The following CREB5 variants were observed in gnomAD, a reference collection of about 807,000 sequenced individuals.
CREB5 encodes cAMP responsive element binding protein 5, also known as cyclic AMP-responsive element-binding protein 5.
Under a neutral mutation model 57.1 loss-of-function variants are expected in CREB5, and 19 were observed. The ratio of observed to expected loss-of-function variants is 0.33; its 90% CI spans 0.23 to 0.49. The LOEUF (loss-of-function observed/expected upper bound fraction) is 0.49, where lower values mean the gene tolerates loss of function less well. CREB5 is among the 20% of genes least tolerant of loss of function. The pLI, the probability that CREB5 is intolerant of heterozygous loss-of-function variation, is 0.99. For missense variants in CREB5, 579 were observed against 671.6 expected, an observed-to-expected ratio of 0.86 and a Z score of 1.52; for synonymous variants, 238 against 238.3, an observed-to-expected ratio of 1.00 and a Z score of 0.01.
chr7:28,657,617 G>T (rs11772649), intron 5 of CREB5, among the ~76,000 whole-genome samples: 3 of 151,036 alleles, frequency 2.0e-5, no homozygotes, highest in Non-Finnish European at 4.4e-5. Context: ...CTTGTGCAGC[G>T]GAGGCAGGAG....
chr7:28,740,863 A>C (rs1804287320), intron 7 of CREB5, among the ~76,000 whole-genome samples: 1 of 152,208 alleles, frequency 6.6e-6, no homozygotes, highest in African/African-American at 2.4e-5. Context: ...ATGTGACTTT[A>C]AAATTTTAAT....
At chr7:28,720,460 A>C (rs2237346) in intron 6 of CREB5, among the ~76,000 whole-genome samples, 4 of 152,152 alleles carry the variant, frequency 2.6e-5, no homozygotes, top group Admixed American at 6.5e-5. Flanking sequence ...TGAGTGAAGA[A>C]TTGTGGCTGG....
Position 28,825,512 on chromosome 7 carries a change from GTAAGTGT to G in CREB5, c.*6237_*6243del, listed in dbSNP as rs1193943483. 1 of 152,634 alleles carries G rather than the reference GTAAGTGT, an allele frequency of 6.6e-6. No homozygotes were observed. Among genetic ancestry groups the G allele is most frequent in the Non-Finnish European group, 1.5e-5 (1 of 68,024 alleles). The allele number at this position is 152,634 out of a possible 1,614,324, so 9.5% of individuals were successfully genotyped here. ...AGAAAAAAGTTTAGCACTGTGTAAA[GTAAGTGT>G]TAACTGAGGAAGTCCCAAAAAGGTG... On this transcript the variant is annotated 3_prime_UTR_variant, in exon 11 of 11. Transcript: ENST00000357727.
chr7:28,514,011 G>T (rs908249703), intron 4 of CREB5, among the ~76,000 whole-genome samples: 3 of 152,112 alleles, frequency 2.0e-5, no homozygotes, highest in Admixed American at 1.3e-4. Context: ...TTAAGTGTTC[G>T]ATGTAGATGA....
intron 5 of CREB5, among the ~76,000 whole-genome samples, chr7:28,672,657 A>G (rs2128719920): frequency 1.3e-5 from 2 of 152,202 alleles, no homozygotes; most frequent in Middle Eastern, 3.4e-3. Context: ...AAAGCCAACA[A>G]CGAATTCAGG....
At chr7:28,796,030 G>A (rs1808019423) in intron 7 of CREB5, among the ~76,000 whole-genome samples, 1 of 152,112 alleles carries the variant, frequency 6.6e-6, no homozygotes. Context: ...TGGGATTACA[G>A]GTGTGAGGCA....
At chr7:28,594,381 G>A (rs760486197) in intron 5 of CREB5, among the ~76,000 whole-genome samples, 4 of 152,118 alleles carry the variant, frequency 2.6e-5, no homozygotes, top group Admixed American at 6.5e-5. Context: ...TCTAGTTACC[G>A]CCCTCCACAA....
chr7:28,312,230 G>T, intron 1 of CREB5, among the ~76,000 whole-genome samples: 1 of 151,556 alleles, frequency 6.6e-6, no homozygotes, highest in African/African-American at 2.4e-5. Context: ...GCAGTGCCTA[G>T]TTGGCTTACA....
At chr7:28,572,042 C>T (rs542647423) in intron 5 of CREB5, among the ~76,000 whole-genome samples, 10 of 152,270 alleles carry the variant, frequency 6.6e-5, no homozygotes, top group Non-Finnish European at 7.4e-5. Flanking sequence ...TCTTGTTTTT[C>T]GGTGTTATAA....
At chr7:28,353,212 C>G (rs923883688) in intron 1 of CREB5, among the ~76,000 whole-genome samples, 1 of 152,174 alleles carries the variant, frequency 6.6e-6, no homozygotes, top group East Asian at 1.9e-4. Context: ...GCCTCAGCCT[C>G]CCGAATAGCT....
At chr7:28,440,625 T>A (rs987113371) in intron 1 of CREB5, among the ~76,000 whole-genome samples, 1 of 152,188 alleles carries the variant, frequency 6.6e-6, no homozygotes, top group South Asian at 2.1e-4. Context: ...TAATAGCCAC[T>A]TATAAAACCA....
chr7:28,367,840 CAAAA>C (rs563613650), intron 1 of CREB5, among the ~76,000 whole-genome samples: 1 of 152,002 alleles, frequency 6.6e-6, no homozygotes, highest in Non-Finnish European at 1.5e-5. Flanking sequence ...AACAAACAAA[CAAAA>C]AACAACAAAG....
At chr7:28,809,034 A>G (rs1808926923) in intron 8 of CREB5, among the ~76,000 whole-genome samples, 153 bp from the exon 9 acceptor site, 3 of 152,152 alleles carry the variant, frequency 2.0e-5, no homozygotes, top group Admixed American at 1.3e-4. Flanking sequence ...GTGTGATTTC[A>G]TCGTCTGTTT....
chr7:28,410,290 G>A (rs755767324), upstream of CREB5: 3 of 456,490 alleles, frequency 6.6e-6, no homozygotes, highest in South Asian at 3.1e-5. Flanking sequence ...CTGCTTTCTT[G>A]CTGGCATCGT....
At chr7:28,479,701 C>G (rs2128588700) in intron 1 of CREB5, among the ~76,000 whole-genome samples, 1 of 152,284 alleles carries the variant, frequency 6.6e-6, no homozygotes, top group South Asian at 2.1e-4. Flanking sequence ...TGGGAATGCC[C>G]CAGCTTTCTG....
At chr7:28,598,516 G>A (rs1796778790) in intron 5 of CREB5, among the ~76,000 whole-genome samples, 1 of 152,126 alleles carries the variant, frequency 6.6e-6, no homozygotes, top group African/African-American at 2.4e-5. Flanking sequence ...TTCTATGATC[G>A]TTAGACTTGC....
intron 5 of CREB5, among the ~76,000 whole-genome samples, chr7:28,636,244 T>G (rs1274250323): frequency 6.6e-6 from 1 of 152,170 alleles, no homozygotes; most frequent in Non-Finnish European, 1.5e-5. Context: ...CCATGCCCTT[T>G]TTTGAGGGAC....
chr7:28,364,830 T>A (rs1256461928), intron 1 of CREB5, among the ~76,000 whole-genome samples: 2 of 152,220 alleles, frequency 1.3e-5, no homozygotes, highest in Non-Finnish European at 2.9e-5. Flanking sequence ...TCTGTCTTCC[T>A]TCATCTTTCA....
intron 1 of CREB5, among the ~76,000 whole-genome samples, chr7:28,347,869 G>A (rs542481915): frequency 4.6e-5 from 7 of 152,278 alleles, no homozygotes; most frequent in East Asian, 1.9e-4. Flanking sequence ...GAGCACATTC[G>A]AATTCCCTAT....
Sources: gnomAD v4.1 joint callset for allele counts (sites outside exome capture counted in the v4.1 genomes callset) on GRCh38, gnomAD v4.1.1 for gene constraint, MANE v1.5 for transcripts, NCBI Gene and HGNC (gene_info 2026-07-23, HGNC 2026-07-21) for gene names.